HDAC8: variants seen among roughly 807,000 people sequenced by gnomAD.
HDAC8 encodes the protein histone deacetylase 8, also known as histone deacetylase-like 1.
A neutral mutation model predicts 32.2 loss-of-function variants in HDAC8; 1 was observed. That is an observed-to-expected ratio of 0.03 (90% CI 0.01 to 0.15). HDAC8 has a LOEUF of 0.15. Among genes scored for constraint, HDAC8 ranks in the 10% least tolerant of loss-of-function variants. The probability of loss-of-function intolerance (pLI) is 1.00; values close to 1 mark genes in which losing one functional copy is unlikely to be tolerated. For missense variants in HDAC8, 117 were observed against 300.0 expected (o/e 0.39, Z 4.51); for synonymous variants, 108 against 113.9 (o/e 0.95, Z 0.33).
At chrX:72,429,020 TTTC>T (rs1555976585) in intron 9 of HDAC8, among the ~76,000 whole-genome samples, 31 of 92,469 alleles carry the variant, frequency 3.4e-4, no homozygotes, top group African/African-American at 5.9e-4. Context: ...TCTTTCTTTC[TTTC>T]TTTTTTTTTT....
Position 72,572,820 on chromosome X carries a change from C to T in HDAC8, c.-59G>A. 2 of 976,066 alleles carry T rather than the reference C, an allele frequency of 2.0e-6. No individual in the cohort carries two copies. The highest frequency in any genetic ancestry group is 2.9e-6 in the Non-Finnish European group (2 of 684,748). The allele number at this position is 976,066 out of a possible 1,213,427, so 80.4% of individuals were successfully genotyped here. ...AGATCTGGCTTTTTTCGGACTCGGC[C>T]AGGGTTCCAGTTCCTGCTCCTCTGA... On this transcript the variant is annotated 5_prime_UTR_variant, in exon 1 of 11. Transcript: ENST00000373573.
chrX:72,569,794 C>T (rs782311167), intron 2 of HDAC8, among the ~76,000 whole-genome samples: 13 of 112,352 alleles, frequency 1.2e-4, no homozygotes, highest in Non-Finnish European at 3.8e-5. Context: ...GCCCTTGCCA[C>T]TTAAAGGGTG....
In HDAC8 at chrX:72,347,209, C is replaced by A. The variant is rs1382471450; in HGVS notation, c.1111+4524G>T. ...TGTAAGATAAATAGTAGCTATTCTT[C>A]TTATTATTTCATCTGTGTTGTTTCT... On this transcript the variant is annotated intron_variant, in intron 10 of 10. Coordinates refer to ENST00000373573, the MANE Select transcript of HDAC8 (RefSeq NM_018486.3). Among the ~76,000 whole-genome samples, 3 of 111,733 alleles carry A rather than the reference C, an allele frequency of 2.7e-5. No individual in the cohort carries two copies. In the Admixed American group the frequency reaches 2.8e-4, roughly 11 times the overall value.
chrX:72,461,913 G>T, intron 9 of HDAC8, 91 bp downstream of exon 9: 3 of 603,878 alleles, frequency 5.0e-6, no homozygotes, highest in South Asian at 5.4e-5. Context: ...TCAACAAAAC[G>T]GTATTGAGTG....
chrX:72,510,266 T>C (rs916360910), intron 4 of HDAC8, among the ~76,000 whole-genome samples: 1 of 111,933 alleles, frequency 8.9e-6, no homozygotes, highest in Non-Finnish European at 1.9e-5. Context: ...TACATGTTAA[T>C]AGAAACAAAT....
At chrX:72,383,826 C>G (rs1335325869) in intron 9 of HDAC8, among the ~76,000 whole-genome samples, 1 of 99,425 alleles carries the variant, frequency 1.0e-5, no homozygotes, top group Admixed American at 1.1e-4. Context: ...GCCAAGATCA[C>G]GCCACTGCAC....
At chrX:72,542,876 A>G (rs782256453) in intron 4 of HDAC8, among the ~76,000 whole-genome samples, 1 of 112,259 alleles carries the variant, frequency 8.9e-6, no homozygotes, top group Non-Finnish European at 1.9e-5. Context: ...TTAAGAGCAA[A>G]CACTTTTTGG....
intron 6 of HDAC8, among the ~76,000 whole-genome samples, chrX:72,490,719 A>G (rs1163336557): frequency 1.2e-4 from 13 of 108,797 alleles, no homozygotes; most frequent in African/African-American, 4.0e-4. Flanking sequence ...TAACCTGCAC[A>G]TTGTGCACAT....
intron 9 of HDAC8, among the ~76,000 whole-genome samples, chrX:72,416,408 G>GTTTTTTTTTTTTTTTATTT (rs2046336674): frequency 2.7e-4 from 1 of 3,686 alleles, no homozygotes; most frequent in Non-Finnish European, 8.5e-4. Context: ...TGTCTTCTCT[G>GTTTTTTTTTTTTTTTATTT]TTTTTTTTTT....
chrX:72,465,077 GA>G (rs1555993452), intron 7 of HDAC8, among the ~76,000 whole-genome samples: 1 of 111,384 alleles, frequency 9.0e-6, no homozygotes, highest in Non-Finnish European at 1.9e-5. Context: ...TAAAATCTGG[GA>G]AAATAAGATA....
chrX:72,437,463 A>G (rs2046985299), intron 9 of HDAC8, among the ~76,000 whole-genome samples: 2 of 110,619 alleles, frequency 1.8e-5, no homozygotes, highest in African/African-American at 6.6e-5. Context: ...TTCATACTCC[A>G]GTGGCACCTG....
At chrX:72,398,492 ATTTTTTTTTTCT>A (rs1336521894) in intron 9 of HDAC8, among the ~76,000 whole-genome samples, 1 of 104,436 alleles carries the variant, frequency 9.6e-6, no homozygotes, top group Non-Finnish European at 2.0e-5. Flanking sequence ...TGTCCTGATA[ATTTTTTTTTTCT>A]TTTTTTTTTT....
At chrX:72,444,638 C>A (rs1555983768) in intron 9 of HDAC8, among the ~76,000 whole-genome samples, 1 of 91,708 alleles carries the variant, frequency 1.1e-5, no homozygotes, top group Non-Finnish European at 2.2e-5. Flanking sequence ...GACAGGGATG[C>A]CCTCTCTCAC....
intron 9 of HDAC8, among the ~76,000 whole-genome samples, chrX:72,382,425 T>A (rs1180659919): frequency 8.9e-6 from 1 of 112,195 alleles, no homozygotes; most frequent in African/African-American, 3.2e-5. Flanking sequence ...GTGGCTGTAA[T>A]CTCATTCACT....
chrX:72,338,175 G>A (rs482062), intron 10 of HDAC8, among the ~76,000 whole-genome samples: 1 of 110,358 alleles, frequency 9.1e-6, no homozygotes, highest in South Asian at 3.8e-4. Context: ...CCTCTCACCA[G>A]CTCTATGAGG....
intron 4 of HDAC8, among the ~76,000 whole-genome samples, chrX:72,541,506 G>A (rs782450534): frequency 1.8e-5 from 2 of 112,251 alleles, no homozygotes; most frequent in Non-Finnish European, 3.8e-5. Flanking sequence ...TTTTGAGCAG[G>A]GGAGTGACAG....
chrX:72,338,686 AATATATATATATATATTT>A (rs1302442774), intron 10 of HDAC8, among the ~76,000 whole-genome samples: 1 of 92,273 alleles, frequency 1.1e-5, no homozygotes. Context: ...TATATATACA[AATATATATATATATATTT>A]ATATATATAT....
chrX:72,503,484 T>C (rs904209817), intron 4 of HDAC8, among the ~76,000 whole-genome samples: 1 of 111,978 alleles, frequency 8.9e-6, no homozygotes, highest in Non-Finnish European at 1.9e-5. Context: ...TCTGGATATA[T>C]AAGAAACTCA....
At chrX:72,473,910 C>T (rs1408193399) in intron 7 of HDAC8, 9 of 746,724 alleles carry the variant, frequency 1.2e-5, no homozygotes, top group Non-Finnish European at 1.4e-5. Flanking sequence ...GTGGTTCCCA[C>T]CCAGGTTTCC....
Sources: allele counts gnomAD v4.1 joint callset (sites outside exome capture counted in the v4.1 genomes callset), GRCh38; gene constraint gnomAD v4.1.1; transcripts MANE v1.5; gene names NCBI Gene and HGNC (gene_info 2026-07-23, HGNC 2026-07-21).